The following EPB41L2 variants were observed in gnomAD, a reference collection of about 807,000 sequenced individuals.
The protein encoded by EPB41L2 is erythrocyte membrane protein band 4.1 like 2.
Under a neutral mutation model 113.0 loss-of-function variants are expected in EPB41L2, and 43 were observed. The observed-to-expected ratio is 0.38, with a 90% CI of 0.30 to 0.49. The LOEUF is 0.49. EPB41L2 is among the 20% of genes least tolerant of loss of function. EPB41L2 has a pLI of 0.95. For missense variants in EPB41L2, 1,147 were observed against 1,223.4 expected, an observed-to-expected ratio of 0.94 and a Z score of 0.93; for synonymous variants, 442 against 436.7, an observed-to-expected ratio of 1.01 and a Z score of -0.15.
intron 1 of EPB41L2, among the ~76,000 whole-genome samples, chr6:131,049,083 C>T (rs1001433487): frequency 2.0e-5 from 3 of 152,342 alleles, no homozygotes; most frequent in Non-Finnish European, 4.4e-5. Context: ...GCCACATCTG[C>T]ACCACATATG....
chr6:130,933,754 A>G (rs1583603428), intron 3 of EPB41L2, among the ~76,000 whole-genome samples: 1 of 152,200 alleles, frequency 6.6e-6, no homozygotes, highest in South Asian at 2.1e-4. Context: ...AAAGTCCCCC[A>G]TGCCTGTGCT....
At chr6:130,920,398 C>A (rs1562488731) in intron 4 of EPB41L2, among the ~76,000 whole-genome samples, 2 of 152,218 alleles carry the variant, frequency 1.3e-5, no homozygotes. Flanking sequence ...CTGGACATTG[C>A]AGGTTTACAT....
At chr6:130,952,871 G>C (rs548702635) in intron 3 of EPB41L2, among the ~76,000 whole-genome samples, 4 of 151,462 alleles carry the variant, frequency 2.6e-5, no homozygotes, top group South Asian at 2.1e-4. Context: ...TTTTGTGCTG[G>C]ATACACAACT....
At chr6:131,028,791 A>G (rs559072274) in intron 1 of EPB41L2, among the ~76,000 whole-genome samples, 7 of 152,312 alleles carry the variant, frequency 4.6e-5, no homozygotes, top group Admixed American at 3.9e-4. Context: ...TTGACCTCCA[A>G]TCATACTTGG....
intron 8 of EPB41L2, among the ~76,000 whole-genome samples, chr6:130,895,810 G>C (rs1423231571): frequency 6.6e-6 from 1 of 152,150 alleles, no homozygotes; most frequent in Non-Finnish European, 1.5e-5. Flanking sequence ...CTTTAATCTG[G>C]AATCGATGAC....
At chr6:130,885,652 T>C (rs530571051) in intron 11 of EPB41L2, among the ~76,000 whole-genome samples, 1 of 152,300 alleles carries the variant, frequency 6.6e-6, no homozygotes, top group Non-Finnish European at 1.5e-5. Context: ...TCTGAATCTA[T>C]CTATTGCAAC....
intron 1 of EPB41L2, among the ~76,000 whole-genome samples, chr6:130,974,031 C>G (rs1253085500): frequency 6.6e-6 from 1 of 152,172 alleles, no homozygotes; most frequent in Non-Finnish European, 1.5e-5. Context: ...GTGTCTCCTG[C>G]TCTCTTCTCT....
Position 130,894,407 on chromosome 6 carries a change from A to C in EPB41L2, c.1424T>G (p.Leu475Arg), listed in dbSNP as rs771762583. The C allele has an allele frequency of 1.9e-6, 3 of 1,613,948 alleles. No individual in the cohort carries two copies. The Admixed American group carries it at 5.0e-5, about 27-fold the overall frequency. Residue 475 changes from leucine to arginine, a missense_variant, in exon 10 of 20, where the codon CTG becomes CGG. Physicochemically the swap from Leu to Arg is moderately radical, Grantham distance 102. Transcript: ENST00000337057. Reference sequence around the variant, plus strand: ...TCTTTTCGCTGCCCGGTGGTTTGGCAGTTTGAATCCAATGGTACTCTCAAA... The same window carrying C: ...TCTTTTCGCTGCCCGGTGGTTTGGCCGTTTGAATCCAATGGTACTCTCAAA... The part of the protein sequence containing the change: ...EQFESTIGFK[L>R]PNHRAAKRLW...
chr6:130,864,555 G>C (rs1349367364), intron 17 of EPB41L2, among the ~76,000 whole-genome samples: 2 of 152,130 alleles, frequency 1.3e-5, no homozygotes, highest in African/African-American at 4.8e-5. Context: ...GAGATCATCT[G>C]GCTGTGACCT....
intron 1 of EPB41L2, among the ~76,000 whole-genome samples, chr6:130,959,365 G>A (rs550532190): frequency 6.6e-6 from 1 of 152,246 alleles, no homozygotes; most frequent in Non-Finnish European, 1.5e-5. Flanking sequence ...ATCACATGGG[G>A]ATACATCACC....
chr6:131,004,086 A>C (rs994270318), intron 1 of EPB41L2, among the ~76,000 whole-genome samples: 1 of 152,234 alleles, frequency 6.6e-6, no homozygotes, highest in Non-Finnish European at 1.5e-5. Context: ...ACCTTTATTT[A>C]ATATCTGGCA....
chr6:130,878,275 G>T (rs1205138634), intron 13 of EPB41L2, 25 bp from the exon 14 acceptor site: 2 of 1,573,338 alleles, frequency 1.3e-6, no homozygotes, highest in Non-Finnish European at 1.7e-6. Flanking sequence ...CGTAACAAAG[G>T]GGGGAAAAAT....
intron 1 of EPB41L2, among the ~76,000 whole-genome samples, chr6:131,027,622 G>C (rs1252172450): frequency 6.6e-6 from 1 of 152,192 alleles, no homozygotes; most frequent in Admixed American, 6.5e-5. Flanking sequence ...AACCGTCATA[G>C]CAATAGGGCT....
At chr6:131,009,644 C>T (rs1454585071) in intron 1 of EPB41L2, among the ~76,000 whole-genome samples, 2 of 151,238 alleles carry the variant, frequency 1.3e-5, no homozygotes, top group Non-Finnish European at 2.9e-5. Context: ...AATCTAAACT[C>T]TGTTTAACAA....
intron 3 of EPB41L2, among the ~76,000 whole-genome samples, chr6:130,937,725 A>G (rs545550684): frequency 6.6e-6 from 1 of 151,968 alleles, no homozygotes; most frequent in Admixed American, 6.6e-5. Flanking sequence ...AGGCTGAGGC[A>G]GAATTGCTTG....
intron 1 of EPB41L2, among the ~76,000 whole-genome samples, chr6:131,040,668 T>C (rs940794832): frequency 3.9e-5 from 6 of 152,176 alleles, no homozygotes. Flanking sequence ...GGGAAAACTA[T>C]AATTTTACAA....
intron 18 of EPB41L2, among the ~76,000 whole-genome samples, chr6:130,862,832 T>A (rs930472363): frequency 2.0e-5 from 3 of 152,206 alleles, no homozygotes; most frequent in African/African-American, 7.2e-5. Context: ...AGCTCAGTAT[T>A]GTGTCCAAAG....
At position 130,869,642 on chromosome 6, in the gene EPB41L2, T is replaced by C; in HGVS notation, c.2528A>G (p.Glu843Gly). The change falls in exon 15 of 20, where the codon GAG (glutamate) becomes GGG (glycine). Residue 843 changes from glutamate to glycine, a missense_variant. By Grantham distance (98) the Glu-to-Gly change is moderately conservative. Transcript: ENST00000337057. ...ALKQDMGEEAEEEPQKVNGEV... is the reference protein window; with the variant it reads ...ALKQDMGEEAGEEPQKVNGEV... ...TCCGTTAACTTTCTGTGGCTCTTCCTCTGCTTCTTCTCCCATGTCTTGCTT... is the reference window on the plus strand; with the variant it reads ...TCCGTTAACTTTCTGTGGCTCTTCCCCTGCTTCTTCTCCCATGTCTTGCTT... 6.2e-7 allele frequency: 1 copy of C among 1,614,234 alleles called. No individual in the cohort carries two copies. Among genetic ancestry groups the C allele is most frequent in the Non-Finnish European group, 8.5e-7 (1 of 1,180,036 alleles).
chr6:130,897,624 G>C (rs558809953), intron 8 of EPB41L2, among the ~76,000 whole-genome samples: 156 of 152,300 alleles, frequency 1.0e-3, no homozygotes, highest in Non-Finnish European at 1.9e-3. Context: ...TCTAGAGGAG[G>C]AGAGGTTTGG....
Sources: allele counts gnomAD v4.1 joint callset (sites outside exome capture counted in the v4.1 genomes callset), GRCh38; gene constraint gnomAD v4.1.1; transcripts MANE v1.5; gene names NCBI Gene and HGNC (gene_info 2026-07-23, HGNC 2026-07-21).